Variants in PUM2 observed in about 807,000 individuals in gnomAD.
PUM2 encodes pumilio homolog 2.
Under a neutral mutation model 124.5 loss-of-function variants are expected in PUM2, and 57 were observed. The ratio of observed to expected loss-of-function variants is 0.46; its 90% CI spans 0.37 to 0.57. The LOEUF is 0.57. PUM2 is among the 20% of genes least tolerant of loss of function. The pLI is 0.00. For missense variants in PUM2, 1,065 were observed against 1,290.6 expected (o/e 0.83, Z 2.68); for synonymous variants, 460 against 446.1 (o/e 1.03, Z -0.39).
At chr2:20,296,947 G>A (rs747926937) in intron 8 of PUM2, among the ~76,000 whole-genome samples, 21 of 152,068 alleles carry the variant, frequency 1.4e-4, no homozygotes, top group Non-Finnish European at 2.9e-5. Context: ...CAGGCGCTTC[G>A]GCATCCCAAA....
intron 2 of PUM2, chr2:20,326,317 G>T (rs1050884958): frequency 7.7e-7 from 1 of 1,303,874 alleles, no homozygotes; most frequent in South Asian, 1.2e-5. Context: ...TTCTGAAGAA[G>T]GGGAGGGTTA....
In PUM2 at chr2:20,272,187, G is replaced by A. The variant is rs534783052; in HGVS notation, c.1957+6396C>T. Among the ~76,000 whole-genome samples, 1,111 of 147,452 alleles carry A rather than the reference G, an allele frequency of 7.5e-3. 19 individuals carry two copies. The highest frequency in any genetic ancestry group is 0.026 in the African/African-American group (1,030 of 38,982). On this transcript the variant is annotated intron_variant, in intron 13 of 20. Transcript: ENST00000361078. ...TGAATGAATGAATGAATGAATGAAT[G>A]AATAAATAAATAAATAAATAGAAAA...
intron 1 of PUM2, among the ~76,000 whole-genome samples, chr2:20,348,551 T>C (rs567349051): frequency 4.6e-5 from 7 of 152,338 alleles, no homozygotes; most frequent in Admixed American, 4.6e-4. Context: ...ATTTCACACC[T>C]GGCCCAAATC....
At chr2:20,342,171 T>C (rs150419879) in intron 1 of PUM2, among the ~76,000 whole-genome samples, 3 of 151,702 alleles carry the variant, frequency 2.0e-5, no homozygotes, top group African/African-American at 7.3e-5. Context: ...TTAACTAAAT[T>C]GTAACAGAGA....
chr2:20,308,647 A>G (rs978230490), intron 5 of PUM2, 63 bp from the exon 6 acceptor site: 44 of 1,451,152 alleles, frequency 3.0e-5, no homozygotes, highest in Admixed American at 1.1e-4. Flanking sequence ...CGAAATGGGA[A>G]AATAGAAAAA....
At chr2:20,297,453 A>G in intron 8 of PUM2, 100 bp downstream of exon 8, 1 of 1,150,892 alleles carries the variant, frequency 8.7e-7, no homozygotes, top group Non-Finnish European at 1.2e-6. Context: ...AGTTTTTCTT[A>G]GGAATTTCAA....
chr2:20,294,735 A>G (rs1558574359), intron 8 of PUM2, among the ~76,000 whole-genome samples: 1 of 152,262 alleles, frequency 6.6e-6, no homozygotes, highest in Non-Finnish European at 1.5e-5. Context: ...AAGGCTACCA[A>G]TAAACTGATA....
chr2:20,305,463 G>GAAAAA (rs67834545), intron 7 of PUM2, among the ~76,000 whole-genome samples: 50 of 46,162 alleles, frequency 1.1e-3, no homozygotes, highest in East Asian at 5.6e-3. Flanking sequence ...CCCTGTCTTC[G>GAAAAA]AAAAAAAAAA....
intron 7 of PUM2, among the ~76,000 whole-genome samples, chr2:20,298,354 C>G (rs1676135567): frequency 6.6e-6 from 1 of 152,120 alleles, no homozygotes. Flanking sequence ...ACCCTCCAGT[C>G]AATACGGAAA....
rs1047502715 is a variant in PUM2 at position 20,248,822 on chromosome 2, A to G, written c.*2763T>C. 3.3e-5 allele frequency: 5 copies of G among 152,680 alleles called. No homozygotes were observed. The highest frequency in any genetic ancestry group is 7.3e-5 in the Non-Finnish European group (5 of 68,048). 9.5% of individuals were successfully genotyped at this position (152,680 alleles called of 1,614,324 possible). ...AGAAGTGAAGTTAACATTATTTCAT[A>G]TGAACCAATAAGAGCCAGGACTTAG... On this transcript the variant is annotated 3_prime_UTR_variant, in exon 21 of 21. Coordinates refer to ENST00000361078, the MANE Select transcript of PUM2 (RefSeq NM_015317.5).
At position 20,312,368 on chromosome 2, in the gene PUM2, A is replaced by G; in HGVS notation, c.216T>C (p.His72=). 6.2e-7 allele frequency: 1 copy of G among 1,613,856 alleles called. No homozygotes were observed. The highest frequency in any genetic ancestry group is 8.5e-7 in the Non-Finnish European group (1 of 1,179,830). ...MVQRRSGQGF[H]GNSEVNAILS... is the part of the protein sequence containing the mutation. ...GTATTGCATTTACTTCACTGTTTCCATGAAAACCCTGTCCAGATCTTCTCT... is the reference window on the plus strand; with the variant it reads ...GTATTGCATTTACTTCACTGTTTCCGTGAAAACCCTGTCCAGATCTTCTCT... Residue 72 remains histidine (H), a synonymous_variant, in exon 4 of 21, where the codon CAT becomes CAC. Transcript: ENST00000361078.
At chr2:20,276,805 G>A (rs754818848) in intron 13 of PUM2, among the ~76,000 whole-genome samples, 14 of 151,964 alleles carry the variant, frequency 9.2e-5, no homozygotes, top group Non-Finnish European at 1.8e-4. Context: ...GTCACAAAAA[G>A]AAAATAACAC....
At chr2:20,296,905 AT>A (rs758585946) in intron 8 of PUM2, among the ~76,000 whole-genome samples, 19 of 152,016 alleles carry the variant, frequency 1.2e-4, no homozygotes, top group Non-Finnish European at 2.4e-4. Flanking sequence ...TGTTGTTTTC[AT>A]TTTTAGACAG....
At chr2:20,349,509 C>G (rs1183157035) in intron 1 of PUM2, among the ~76,000 whole-genome samples, 2 of 151,012 alleles carry the variant, frequency 1.3e-5, no homozygotes, top group Admixed American at 1.3e-4. Context: ...GTTGAAAATA[C>G]TCATTTTTGT....
intron 20 of PUM2, among the ~76,000 whole-genome samples, chr2:20,253,602 C>A (rs1664021956): frequency 6.6e-6 from 1 of 151,924 alleles, no homozygotes; most frequent in African/African-American, 2.4e-5. Flanking sequence ...ACCTCAGCCT[C>A]CCAATCTGCT....
chr2:20,327,371 G>T lies in PUM2; in HGVS notation c.-11C>A. On this transcript the variant is annotated 5_prime_UTR_variant, in exon 2 of 21. The change creates a new upstream start codon in the 5' untranslated region. Transcript: ENST00000361078. ...AAAATCATGATTCATTTCATCCACA[G>T]ATCAAACCTGTTGAATAACAAAAAC... The T allele has an allele frequency of 6.4e-7, 1 of 1,566,786 alleles. No homozygotes were observed.
intron 2 of PUM2, among the ~76,000 whole-genome samples, chr2:20,323,162 T>C (rs1038582171): frequency 6.6e-6 from 1 of 151,916 alleles, no homozygotes; most frequent in African/African-American, 2.4e-5. Flanking sequence ...CGGAATTACA[T>C]CTAGGGCCAG....
chr2:20,253,098 G>A (rs76566820), intron 20 of PUM2, among the ~76,000 whole-genome samples: 2,190 of 152,262 alleles, frequency 0.014, 67 homozygotes, highest in African/African-American at 0.049. Context: ...CAATCCCCCA[G>A]TTACTGACGG....
intron 13 of PUM2, among the ~76,000 whole-genome samples, chr2:20,277,581 T>A (rs1248465774): frequency 1.3e-5 from 2 of 152,156 alleles, no homozygotes; most frequent in Non-Finnish European, 2.9e-5. Context: ...CTTTGTTACA[T>A]GGACATTTAT....
Sources: allele counts gnomAD v4.1 joint callset (sites outside exome capture counted in the v4.1 genomes callset), GRCh38; gene constraint gnomAD v4.1.1; transcripts MANE v1.5; gene names NCBI Gene and HGNC (gene_info 2026-07-23, HGNC 2026-07-21).